DNM1: variants seen among roughly 807,000 people sequenced by gnomAD.
DNM1 encodes dynamin 1.
A neutral mutation model predicts 104.6 loss-of-function variants in DNM1; 29 were observed. The ratio of observed to expected loss-of-function variants is 0.28; its 90% CI spans 0.21 to 0.38. DNM1 has a LOEUF of 0.38. Ranked by LOEUF, DNM1 falls within the 10% of genes least tolerant of loss-of-function variation. DNM1 has a pLI of 1.00. For synonymous variants in DNM1, 445 were observed against 475.8 expected (o/e 0.94, Z 0.84); for missense variants, 640 against 1,189.4 (o/e 0.54, Z 6.79).
In DNM1 at chr9:128,220,073, C is replaced by A; in HGVS notation, c.675C>A (p.Leu225=). The change falls in exon 5 of 22, where the codon CTC becomes CTA. Residue 225 remains leucine (L), a synonymous_variant. Coordinates refer to ENST00000372923, the MANE Select transcript of DNM1 (RefSeq NM_004408.4). This position sits in a 1 kb window ranked among gnomAD's most constrained non-coding sequence, Gnocchi z 5.2. ...DARDVLENKL[L]PLRRGYIGVV... ...GTGATGTGCTGGAGAACAAGCTGCT[C>A]CCCCTGCGCAGAGGTAAGCAGGCCA... 6.2e-7 allele frequency: 1 copy of A among 1,613,020 alleles called. No individual in the cohort carries two copies. The highest frequency in any genetic ancestry group is 1.1e-5 in the South Asian group (1 of 90,946).
intron 1 of DNM1, among the ~76,000 whole-genome samples, chr9:128,211,339 G>T (rs1834281542): frequency 1.3e-5 from 2 of 152,168 alleles, no homozygotes; most frequent in South Asian, 4.1e-4. Flanking sequence ...TGATTACCCA[G>T]TCCTGCTTCC....
rs548095667 is a variant in DNM1, at chr9:128,254,132, C to T, written c.2535-522C>T. The T allele has an allele frequency of 1.3e-5, 16 of 1,271,540 alleles. No individual in the cohort carries two copies. The Admixed American group carries it at 6.6e-4, about 52-fold the overall frequency. The allele number at this position is 1,271,540 out of a possible 1,614,324, so 78.8% of individuals were successfully genotyped here. On this transcript the variant is annotated intron_variant, in intron 21 of 21. Coordinates refer to ENST00000372923, the MANE Select transcript of DNM1 (RefSeq NM_004408.4). The surrounding 1 kb of genome is among the most constrained non-coding windows in gnomAD (Gnocchi z 6.1). ...GCCCTCCCTGCCTCCCCCAGGGTCCCTTCAGAGGGTCCTGGGTTTTCTGAA... is the reference window on the plus strand; with the variant it reads ...GCCCTCCCTGCCTCCCCCAGGGTCCTTTCAGAGGGTCCTGGGTTTTCTGAA...
chr9:128,237,544 C>T (rs1286285601), intron 11 of DNM1, among the ~76,000 whole-genome samples: 2 of 152,174 alleles, frequency 1.3e-5, no homozygotes, highest in African/African-American at 2.4e-5. Context: ...GCTGGGATTA[C>T]AGGCGTGAGC....
At chr9:128,217,865 G>A (rs1834707471) in intron 1 of DNM1, among the ~76,000 whole-genome samples, 1 of 152,148 alleles carries the variant, frequency 6.6e-6, no homozygotes, top group South Asian at 2.1e-4. Context: ...TCCACTCTGT[G>A]GGCATTGGAC....
Position 128,220,921 on chromosome 9 carries a change from CTTTCTTTCTT to C in DNM1, c.849+582_849+591del, listed in dbSNP as rs1834953295. Among the ~76,000 whole-genome samples, 1 of 143,786 alleles carries C rather than the reference CTTTCTTTCTT, an allele frequency of 7.0e-6. No homozygotes were observed. Among genetic ancestry groups the C allele is most frequent in the African/African-American group, 2.5e-5 (1 of 39,514 alleles). 94.3% of individuals were successfully genotyped at this position (143,786 alleles called of 152,430 possible). ...TCTTTCTTTCTTTCTTTCTTTCTTT[CTTTCTTTCTT>C]TCTTTTCTTTTCTTTCTTTCTTTCC... On this transcript the variant is annotated intron_variant, in intron 6 of 21. Transcript: ENST00000372923. The surrounding 1 kb of genome is among the most constrained non-coding windows in gnomAD (Gnocchi z 5.2).
At chr9:128,251,233 C>T (rs930187842) in intron 21 of DNM1, 6 of 602,734 alleles carry the variant, frequency 1.0e-5, no homozygotes, top group East Asian at 3.7e-5. Flanking sequence ...TATTTTCACT[C>T]TTGGCGGCCG....
chr9:128,233,980 C>T (rs1835853606), intron 10 of DNM1, 41 bp from the exon 11 acceptor site: 24 of 1,538,918 alleles, frequency 1.6e-5, no homozygotes, highest in Non-Finnish European at 1.9e-5. Context: ...CTGCCCGTGC[C>T]CTCTGTGTAC....
At position 128,218,927 on chromosome 9, in the gene DNM1, T is replaced by G; in HGVS notation, c.386-122T>G. The G allele has an allele frequency of 1.5e-6, 2 of 1,319,424 alleles. No homozygotes were observed. The highest frequency in any genetic ancestry group is 2.1e-6 in the Non-Finnish European group (2 of 964,210). 81.7% of individuals were successfully genotyped at this position (1,319,424 alleles called of 1,614,324 possible). On this transcript the variant is annotated intron_variant, in intron 3 of 21. Coordinates refer to ENST00000372923, the MANE Select transcript of DNM1 (RefSeq NM_004408.4). This position sits in a 1 kb window ranked among gnomAD's most constrained non-coding sequence, Gnocchi z 4.8. ...CAGACTGCCACTTTCGCCCTGAGAT[T>G]TCCTAGTCCCACCCACCTGCCACCC...
Position 128,219,934 on chromosome 9 carries a change from A to G in DNM1, c.590-54A>G, listed in dbSNP as rs1186842687. On this transcript the variant is annotated intron_variant, in intron 4 of 21. Coordinates refer to ENST00000372923, the MANE Select transcript of DNM1 (RefSeq NM_004408.4). The stretch of plus-strand genomic sequence containing the variant: ...GGGGATGGGAGTGGGAGTGCATGGA[A>G]TTGTGTGTGAGAGCGGGTGCAGCTG... 4.2e-6 allele frequency: 6 copies of G among 1,413,084 alleles called. No homozygotes were observed. The African/African-American group carries it at 8.5e-5, about 20-fold the overall frequency. 87.5% of individuals were successfully genotyped at this position (1,413,084 alleles called of 1,614,324 possible).
chr9:128,247,151 A>C lies in DNM1; in HGVS notation c.1782-224A>C. On this transcript the variant is annotated intron_variant, in intron 16 of 21. Transcript: ENST00000372923. The surrounding 1 kb of genome is among the most constrained non-coding windows in gnomAD (Gnocchi z 5.1). Reference sequence around the variant, plus strand: ...CCAGTCCCCTTCTAAGCATTTTACCACTCACTTCACTGAATCCTCAGTGAC... The same window carrying C: ...CCAGTCCCCTTCTAAGCATTTTACCCCTCACTTCACTGAATCCTCAGTGAC... 4.3e-6 allele frequency: 2 copies of C among 460,230 alleles called. No individual in the cohort carries two copies. Among genetic ancestry groups the C allele is most frequent in the Non-Finnish European group, 7.9e-6 (2 of 252,644 alleles). The allele number at this position is 460,230 out of a possible 1,614,324, so 28.5% of individuals were successfully genotyped here.
intron 10 of DNM1, chr9:128,225,927 T>G: frequency 1.1e-6 from 1 of 931,728 alleles, no homozygotes; most frequent in South Asian, 1.5e-5. Flanking sequence ...CCCGTGCCCG[T>G]GCCATCCTCT....
At chr9:128,251,457 C>T in intron 21 of DNM1, 1 of 262,772 alleles carries the variant, frequency 3.8e-6, no homozygotes, top group Non-Finnish European at 7.7e-6. Flanking sequence ...AGCCACTGGC[C>T]CACAGGAGCA....
At chr9:128,208,648 GCCCT>G (rs1834111809) in intron 1 of DNM1, among the ~76,000 whole-genome samples, 2 of 152,292 alleles carry the variant, frequency 1.3e-5, no homozygotes, top group Admixed American at 1.3e-4. Flanking sequence ...TGTGTGCCAG[GCCCT>G]GAGGATACAG....
intron 1 of DNM1, among the ~76,000 whole-genome samples, chr9:128,205,067 C>T (rs1421533612): frequency 6.6e-6 from 1 of 152,154 alleles, no homozygotes; most frequent in Admixed American, 6.5e-5. Flanking sequence ...GGCGGCCGTG[C>T]CCATCTGGTC....
In DNM1 at chr9:128,224,206, C is replaced by G. The variant is rs1303598733; in HGVS notation, c.1197-45C>G. ...GCCTCGGCCTGGCCCTCCTGGCCGG[C>G]ACTGGCCTGTGACACTCTGCCCTTC... On this transcript the variant is annotated intron_variant, in intron 9 of 21. Coordinates refer to ENST00000372923, the MANE Select transcript of DNM1 (RefSeq NM_004408.4). The surrounding 1 kb of genome is among the most constrained non-coding windows in gnomAD (Gnocchi z 4.3). The G allele has an allele frequency of 6.3e-7, 1 of 1,591,590 alleles. No individual in the cohort carries two copies. Among genetic ancestry groups the G allele is most frequent in the Non-Finnish European group, 8.6e-7 (1 of 1,167,666 alleles).
chr9:128,219,926 T>A, intron 4 of DNM1, 62 bp from the exon 5 acceptor site: 3 of 1,325,022 alleles, frequency 2.3e-6, no homozygotes, highest in Admixed American at 2.1e-5. Context: ...GGAGTGGGAG[T>A]GCATGGAATT....
chr9:128,223,739 C>T (rs757720620), intron 9 of DNM1: 1 of 152,658 alleles, frequency 6.6e-6, no homozygotes, highest in Non-Finnish European at 1.5e-5. Context: ...ACTCAACCAC[C>T]TTGTCTTGCC....
Position 128,245,252 on chromosome 9 carries a change from G to C in DNM1, c.1672-1142G>C, listed in dbSNP as rs1836711088. On this transcript the variant is annotated intron_variant, in intron 15 of 21. Coordinates refer to ENST00000372923, the MANE Select transcript of DNM1 (RefSeq NM_004408.4). The surrounding 1 kb of genome is among the most constrained non-coding windows in gnomAD (Gnocchi z 5.2). The stretch of plus-strand genomic sequence containing the variant: ...AAAGAGGGCTTTATGTGGCTGCATG[G>C]GCCAGGGGGGCGTTGGGGGCAGAGA... Among the ~76,000 whole-genome samples the C allele has an allele frequency of 6.6e-6, 1 of 152,080 alleles. No homozygotes were observed. Among genetic ancestry groups the C allele is most frequent in the Admixed American group, 6.5e-5 (1 of 15,272 alleles).
At position 128,240,092 on chromosome 9, in the gene DNM1, G is replaced by T. The variant is rs1199600007; in HGVS notation, c.1557+96G>T. ...GCAACGGGTAGGAGGGCACCCTTTG[G>T]CTGAAGCTGCTTGTACACACCAGCC... On this transcript the variant is annotated intron_variant, in intron 14 of 21. Transcript: ENST00000372923. The surrounding 1 kb of genome is among the most constrained non-coding windows in gnomAD (Gnocchi z 5.1). 1.1e-5 allele frequency: 16 copies of T among 1,419,130 alleles called. No individual in the cohort carries two copies. Among genetic ancestry groups the T allele is most frequent in the Non-Finnish European group, 1.2e-5 (12 of 1,004,760 alleles). 87.9% of individuals were successfully genotyped at this position (1,419,130 alleles called of 1,614,324 possible). A position where few individuals can be genotyped will look rare whatever the true frequency, so the allele number is the denominator to read the frequency against.
Sources: allele counts gnomAD v4.1 joint callset (sites outside exome capture counted in the v4.1 genomes callset), GRCh38; gene constraint gnomAD v4.1.1; non-coding constraint Gnocchi (gnomAD v3.1); transcripts MANE v1.5; gene names NCBI Gene and HGNC (gene_info 2026-07-23, HGNC 2026-07-21).